Variants in CCND2 observed in about 807,000 individuals in gnomAD.
CCND2 encodes G1/S-specific cyclin-D2.
Under a neutral mutation model 30.2 loss-of-function variants are expected in CCND2, and 6 were observed. That is an observed-to-expected ratio of 0.20 (90% CI 0.11 to 0.39). The LOEUF (loss-of-function observed/expected upper bound fraction) is 0.39, where lower values mean the gene tolerates loss of function less well. Ranked by LOEUF, CCND2 falls within the 10% of genes least tolerant of loss-of-function variation. The pLI is 1.00. For synonymous variants in CCND2, 150 were observed against 153.1 expected, an observed-to-expected ratio of 0.98 and a Z score of 0.15; for missense variants, 235 against 373.4, an observed-to-expected ratio of 0.63 and a Z score of 3.06.
In CCND2 at chr12:4,287,895, G is replaced by A. The variant is rs928824604; in HGVS notation, c.572-947G>A. On this transcript the variant is annotated intron_variant, in intron 3 of 4. Transcript: ENST00000261254. The surrounding 1 kb of genome is among the most constrained non-coding windows in gnomAD (Gnocchi z 4.0). ...GAACACAAGGGGGCTGGTCTTCCAAGAGGAGCCCTCTAGCATGGCAGTGGA... is the reference window on the plus strand; with the variant it reads ...GAACACAAGGGGGCTGGTCTTCCAAAAGGAGCCCTCTAGCATGGCAGTGGA... 1.2e-4 allele frequency among the ~76,000 whole-genome samples: 18 copies of A among 152,202 alleles called. No individual in the cohort carries two copies. Among genetic ancestry groups the A allele is most frequent in the Admixed American group, 1.0e-3 (16 of 15,280 alleles).
chr12:4,284,406 C>A (rs571810736), intron 3 of CCND2, among the ~76,000 whole-genome samples: 3 of 152,340 alleles, frequency 2.0e-5, no homozygotes, highest in Non-Finnish European at 4.4e-5. Context: ...ATACTCTGAA[C>A]CAGTGAGCTG....
chr12:4,292,237 A>G (rs1389142744), intron 4 of CCND2, among the ~76,000 whole-genome samples: 1 of 152,154 alleles, frequency 6.6e-6, no homozygotes, highest in Admixed American at 6.5e-5. Flanking sequence ...TGAAATGCCC[A>G]TAGGTTGATG....
chr12:4,291,044 A>T (rs1376052511), intron 4 of CCND2, among the ~76,000 whole-genome samples: 1 of 152,146 alleles, frequency 6.6e-6, no homozygotes, highest in Non-Finnish European at 1.5e-5. Flanking sequence ...GTTCATATTT[A>T]AAAACCAAGA....
At position 4,305,256 on chromosome 12, in the gene CCND2, A is replaced by AG; in HGVS notation, c.*5247_*5248insG. ...TCAGTGTTAAGTGATTTAAAAAAAT[A>AG]ATAACCTGTTTTCTGACTAGTTTAA... is the stretch of plus-strand genomic sequence containing the variant. On this transcript the variant is annotated 3_prime_UTR_variant, in exon 5 of 5. Transcript: ENST00000261254. This position sits in a 1 kb window ranked among gnomAD's most constrained non-coding sequence, Gnocchi z 6.4. The AG allele has an allele frequency of 4.3e-6, 1 of 232,112 alleles. No individual in the cohort carries two copies. The highest frequency in any genetic ancestry group is 6.1e-5 in the East Asian group (1 of 16,366). The allele number at this position is 232,112 out of a possible 1,614,324, so 14.4% of individuals were successfully genotyped here.
intron 4 of CCND2, among the ~76,000 whole-genome samples, chr12:4,298,150 G>A (rs1056621492): frequency 1.3e-5 from 2 of 152,132 alleles, no homozygotes; most frequent in African/African-American, 4.8e-5. Context: ...TATTTTGTGG[G>A]GAAACTGAGA....
intron 3 of CCND2, among the ~76,000 whole-genome samples, chr12:4,284,696 T>G (rs1475568724): frequency 6.6e-6 from 1 of 151,614 alleles, no homozygotes; most frequent in Non-Finnish European, 1.5e-5. Context: ...TCTCAAATGC[T>G]CCTCTTCACT....
intron 4 of CCND2, among the ~76,000 whole-genome samples, chr12:4,298,897 A>C (rs1864210146): frequency 6.6e-6 from 1 of 152,114 alleles, no homozygotes; most frequent in African/African-American, 2.4e-5. Context: ...GGGCAGACAC[A>C]CTGTCAATTA....
chr12:4,284,736 T>G (rs1863998805), intron 3 of CCND2, among the ~76,000 whole-genome samples: 1 of 110,186 alleles, frequency 9.1e-6, no homozygotes, highest in Non-Finnish European at 1.8e-5. Context: ...TTTTTTTCTT[T>G]TCTTTTTCTT....
intron 2 of CCND2, among the ~76,000 whole-genome samples, chr12:4,278,207 G>A (rs1229380273): frequency 6.6e-6 from 1 of 152,254 alleles, no homozygotes; most frequent in Non-Finnish European, 1.5e-5. Context: ...GGGAGTTTGA[G>A]CAGCAGAGAG....
intron 4 of CCND2, among the ~76,000 whole-genome samples, chr12:4,297,586 A>AG (rs1199273024): frequency 7.3e-6 from 1 of 136,310 alleles, no homozygotes; most frequent in East Asian, 2.2e-4. Flanking sequence ...AAAAAAAAAA[A>AG]AAAAAAAAAA....
intron 3 of CCND2, among the ~76,000 whole-genome samples, chr12:4,280,009 A>C (rs1455668784): frequency 2.0e-5 from 3 of 151,438 alleles, no homozygotes; most frequent in Non-Finnish European, 2.9e-5. Context: ...CTGTGCTCAC[A>C]GTCAAAAAGT....
At chr12:4,297,757 C>A in intron 4 of CCND2, 2 of 351,006 alleles carry the variant, frequency 5.7e-6, no homozygotes, top group Non-Finnish European at 6.0e-6. Context: ...ATTCATTCAG[C>A]TCAACAGGTC....
At chr12:4,284,495 G>T (rs972151154) in intron 3 of CCND2, among the ~76,000 whole-genome samples, 9 of 152,214 alleles carry the variant, frequency 5.9e-5, no homozygotes, top group African/African-American at 2.2e-4. Context: ...CCATGGCAAG[G>T]CGTGTGGCTG....
rs1201001318 is a variant in CCND2, at chr12:4,282,428, G to C, written c.571+3509G>C. On this transcript the variant is annotated intron_variant, in intron 3 of 4. Transcript: ENST00000261254. The surrounding 1 kb of genome is among the most constrained non-coding windows in gnomAD (Gnocchi z 4.3). Reference sequence around the variant, plus strand: ...GCCCCTTCCCTGGCTTTACCTACAGGTGTTCCCTCAGATTCCATCGCCAAG... The same window carrying C: ...GCCCCTTCCCTGGCTTTACCTACAGCTGTTCCCTCAGATTCCATCGCCAAG... 6.6e-6 allele frequency among the ~76,000 whole-genome samples: 1 copy of C among 152,230 alleles called. No individual in the cohort carries two copies. Among genetic ancestry groups the C allele is most frequent in the Non-Finnish European group, 1.5e-5 (1 of 68,038 alleles).
intron 4 of CCND2, among the ~76,000 whole-genome samples, chr12:4,292,762 G>T (rs547621549): frequency 6.6e-5 from 10 of 152,118 alleles, no homozygotes; most frequent in Admixed American, 5.2e-4. Flanking sequence ...TTGGCTGTAG[G>T]GGGGACGTCT....
At position 4,300,159 on chromosome 12, in the gene CCND2, G is replaced by A; in HGVS notation, c.*150G>A. ...ATATTTAAAGATCTTTTAGAAGTGA[G>A]AGAAAAAGGTCCTACGAAAACGGAA... On this transcript the variant is annotated 3_prime_UTR_variant, in exon 5 of 5. Transcript: ENST00000261254. The A allele has an allele frequency of 2.6e-6, 2 of 756,356 alleles. No homozygotes were observed. The highest frequency in any genetic ancestry group is 2.0e-6 in the Non-Finnish European group (1 of 493,104). 46.9% of individuals were successfully genotyped at this position (756,356 alleles called of 1,614,324 possible).
Position 4,285,544 on chromosome 12 carries a change from C to T in CCND2, c.572-3298C>T. On this transcript the variant is annotated intron_variant, in intron 3 of 4. Coordinates refer to ENST00000261254, the MANE Select transcript of CCND2 (RefSeq NM_001759.4). The surrounding 1 kb of genome is among the most constrained non-coding windows in gnomAD (Gnocchi z 4.1). Reference sequence around the variant, plus strand: ...TTTCCGTGCATCCTTCCAGTTCATCCATAGGCATATATGTATGTATTTACC... The same window carrying T: ...TTTCCGTGCATCCTTCCAGTTCATCTATAGGCATATATGTATGTATTTACC... The T allele has an allele frequency of 4.8e-6, 2 of 413,208 alleles. No individual in the cohort carries two copies. Among genetic ancestry groups the T allele is most frequent in the Non-Finnish European group, 6.5e-6 (2 of 307,118 alleles). The allele number at this position is 413,208 out of a possible 1,614,324, so 25.6% of individuals were successfully genotyped here.
chr12:4,289,489 G>A (rs541786027), intron 4 of CCND2, among the ~76,000 whole-genome samples: 1 of 152,268 alleles, frequency 6.6e-6, no homozygotes, highest in Non-Finnish European at 1.5e-5. Context: ...ACCCCTCCCC[G>A]CTCTCTCTTC....
At chr12:4,290,159 A>C (rs1480284504) in intron 4 of CCND2, among the ~76,000 whole-genome samples, 1 of 152,226 alleles carries the variant, frequency 6.6e-6, no homozygotes, top group African/African-American at 2.4e-5. Flanking sequence ...GTTAAACCTC[A>C]GAGAGCCCAC....
Sources: gnomAD v4.1 joint callset for allele counts (sites outside exome capture counted in the v4.1 genomes callset) on GRCh38, gnomAD v4.1.1 for gene constraint, Gnocchi (gnomAD v3.1) non-coding constraint, MANE v1.5 for transcripts, NCBI Gene and HGNC (gene_info 2026-07-23, HGNC 2026-07-21) for gene names.